Variants in TAF4 observed in about 807,000 individuals in gnomAD.
The protein encoded by TAF4 is TATA-box binding protein associated factor 4.
TAF4 carries 9 observed loss-of-function variants against 90.3 expected under a neutral mutation model. That is an observed-to-expected ratio of 0.10 (90% CI 0.06 to 0.17). TAF4 has a LOEUF of 0.17. Ranked by LOEUF, TAF4 falls within the 10% of genes least tolerant of loss-of-function variation. The pLI is 1.00. For synonymous variants in TAF4, 818 were observed against 638.9 expected (o/e 1.28, Z -4.23); for missense variants, 1,351 against 1,370.7 (o/e 0.99, Z 0.23).
At chr20:62,053,404 G>A (rs933209705) in intron 1 of TAF4, among the ~76,000 whole-genome samples, 2 of 152,220 alleles carry the variant, frequency 1.3e-5, no homozygotes, top group African/African-American at 4.8e-5. Context: ...CTCTGGATCC[G>A]TCACTAAGCA....
At position 62,064,650 on chromosome 20, in the gene TAF4, G is replaced by C; in HGVS notation, c.1161C>G (p.Ala387=). ...PTMQGALPSP[A]AVPPPAPGTP... is the part of the protein sequence containing the mutation. ...TCCCGGGGGCGGGCGGCGGGACGGC[G>C]GCCGGGCTGGGCAGCGCCCCTTGCA... The change falls in exon 1 of 15, where the codon GCC becomes GCG. Residue 387 remains alanine (A), a synonymous_variant. Transcript: ENST00000252996. The C allele has an allele frequency of 1.5e-6, 2 of 1,316,738 alleles. No individual in the cohort carries two copies. The highest frequency in any genetic ancestry group is 1.9e-6 in the Non-Finnish European group (2 of 1,040,030). 81.6% of individuals were successfully genotyped at this position (1,316,738 alleles called of 1,614,324 possible).
rs1488376004 is a variant in TAF4, at chr20:61,998,855, T to C, written c.2913+128A>G. 10 of 1,214,826 alleles carry C rather than the reference T, an allele frequency of 8.2e-6. No homozygotes were observed. In the South Asian group the frequency reaches 1.3e-4, roughly 16 times the overall value. The allele number at this position is 1,214,826 out of a possible 1,614,324, so 75.3% of individuals were successfully genotyped here. On this transcript the variant is annotated intron_variant, in intron 12 of 14. Transcript: ENST00000252996. ...TTTGCAGCTCCACTGACAGCACCCATCACCTTTGCTTCAAGGCCAGCCCAA... is the reference window on the plus strand; with the variant it reads ...TTTGCAGCTCCACTGACAGCACCCACCACCTTTGCTTCAAGGCCAGCCCAA...
rs572912824 is a variant in TAF4 at position 62,050,928 on chromosome 20, T to C, written c.1360+13523A>G. Reference sequence around the variant, plus strand: ...CCACTACCCACGCTGCCCTGGGCACTGGGGAATCAGTGGAGACCCCAGGCA... The same window carrying C: ...CCACTACCCACGCTGCCCTGGGCACCGGGGAATCAGTGGAGACCCCAGGCA... On this transcript the variant is annotated intron_variant, in intron 1 of 14. Transcript: ENST00000252996. 2.2e-3 allele frequency among the ~76,000 whole-genome samples: 341 copies of C among 152,132 alleles called. 1 individual carries two copies. Among genetic ancestry groups the C allele is most frequent in the Non-Finnish European group, 4.5e-3 (303 of 67,990 alleles).
intron 1 of TAF4, among the ~76,000 whole-genome samples, chr20:62,030,012 G>A (rs1389289183): frequency 2.6e-5 from 4 of 152,220 alleles, no homozygotes; most frequent in Non-Finnish European, 2.9e-5. Flanking sequence ...GCATGGTCAC[G>A]GTGAAGCTGC....
chr20:62,014,528 A>G lies in TAF4; in HGVS notation c.1521+19T>C. 1 of 1,587,182 alleles carries G rather than the reference A, an allele frequency of 6.3e-7. No individual in the cohort carries two copies. Among genetic ancestry groups the G allele is most frequent in the East Asian group, 2.3e-5 (1 of 44,220 alleles). On this transcript the variant is annotated intron_variant, in intron 2 of 14. Transcript: ENST00000252996. Reference sequence around the variant, plus strand: ...TGGGCAGGGAAGGGGTTCGCACTCCAGGGCACACGTGCACTCACCTGTACG... The same window carrying G: ...TGGGCAGGGAAGGGGTTCGCACTCCGGGGCACACGTGCACTCACCTGTACG...
intron 1 of TAF4, among the ~76,000 whole-genome samples, chr20:62,063,058 G>A (rs969573193): frequency 1.3e-5 from 2 of 152,176 alleles, no homozygotes; most frequent in Admixed American, 6.5e-5. Flanking sequence ...CCAAGCCTCT[G>A]GCAAAACACC....
At chr20:61,998,938 G>A in intron 12 of TAF4, 45 bp downstream of exon 12, 3 of 1,603,698 alleles carry the variant, frequency 1.9e-6, no homozygotes, top group Non-Finnish European at 2.5e-6. Flanking sequence ...GGTTGTGGCT[G>A]AGACGGAGGT....
intron 1 of TAF4, chr20:62,064,204 C>T (rs1053121179): frequency 7.4e-6 from 3 of 403,930 alleles, no homozygotes; most frequent in Non-Finnish European, 1.3e-5. Flanking sequence ...CAGCCCCAGG[C>T]ACAGGCAGCC....
Position 61,997,066 on chromosome 20 carries a change from A to G in TAF4, c.3090+484T>C, listed in dbSNP as rs28382121. On this transcript the variant is annotated intron_variant, in intron 14 of 14. Coordinates refer to ENST00000252996, the MANE Select transcript of TAF4 (RefSeq NM_003185.4). ...ACTGACAGTTGAAAGCAAAAATAAC[A>G]TGTCAAGGCTGGGTTTATAATTATT... Among the ~76,000 whole-genome samples the G allele has an allele frequency of 9.4e-3, 1,436 of 152,324 alleles. 7 individuals are homozygous for G. The highest frequency in any genetic ancestry group is 0.038 in the South Asian group (185 of 4,826).
In TAF4 at chr20:62,006,348, G is replaced by C. The variant is rs896426217; in HGVS notation, c.2223+162C>G. 4 of 996,024 alleles carry C rather than the reference G, an allele frequency of 4.0e-6. No homozygotes were observed. The highest frequency in any genetic ancestry group is 4.2e-5 in the Admixed American group (1 of 24,012). The allele number at this position is 996,024 out of a possible 1,614,324, so 61.7% of individuals were successfully genotyped here. On this transcript the variant is annotated intron_variant, in intron 7 of 14. Transcript: ENST00000252996. This position sits in a 1 kb window ranked among gnomAD's most constrained non-coding sequence, Gnocchi z 7.0. ...ACAACATCCCAGGGCCTCAACCTCT[G>C]GTTTCTATTTTAACTATTTAAGGTA...
chr20:62,064,900 T>A lies in TAF4; in HGVS notation c.911A>T (p.Gln304Leu). 1 of 763,110 alleles carries A rather than the reference T, an allele frequency of 1.3e-6. No individual in the cohort carries two copies. The highest frequency in any genetic ancestry group is 6.0e-5 in the South Asian group (1 of 16,620). The allele number at this position is 763,110 out of a possible 1,614,324, so 47.3% of individuals were successfully genotyped here. A position where few individuals can be genotyped will look rare whatever the true frequency, so the allele number is the denominator to read the frequency against. ...GGCTGCCCCGGCGCTGCCCCCGTTC[T>A]GGGCGGCGGCGGGGGGCGGCACGGC... is the stretch of plus-strand genomic sequence containing the variant. ...APAVPPPAAAQNGGSAGAAPA... is the reference protein window; with the variant it reads ...APAVPPPAAALNGGSAGAAPA... The change falls in exon 1 of 15, where the codon CAG (glutamine) becomes CTG (leucine). Residue 304 changes from glutamine to leucine, a missense_variant. This residue lies in a region of TAF4 where 782 missense variants were observed against 536.6 expected (regional missense o/e 1.46). Transcript: ENST00000252996.
Position 62,009,196 on chromosome 20 carries a change from T to C in TAF4, c.1762-22A>G, listed in dbSNP as rs370813918. The C allele has an allele frequency of 6.9e-6, 11 of 1,589,050 alleles. No homozygotes were observed. The Admixed American group carries it at 9.1e-5, about 13-fold the overall frequency. The stretch of plus-strand genomic sequence containing the variant: ...TTTCCTGGATTAAAGTAAAAAGATA[T>C]AAGTGAAAAATCTTAAAAGGCAGAT... On this transcript the variant is annotated intron_variant, in intron 4 of 14. Transcript: ENST00000252996.
chr20:62,059,935 A>T (rs2056080275), intron 1 of TAF4, among the ~76,000 whole-genome samples: 1 of 152,238 alleles, frequency 6.6e-6, no homozygotes, highest in South Asian at 2.1e-4. Flanking sequence ...TTTATCCCTT[A>T]AGTGGAAGAA....
intron 1 of TAF4, among the ~76,000 whole-genome samples, chr20:62,030,090 G>A (rs900028481): frequency 6.6e-6 from 1 of 152,162 alleles, no homozygotes; most frequent in African/African-American, 2.4e-5. Context: ...GAGGCCAGGC[G>A]AGCAGCGCAG....
At chr20:62,011,554 A>C (rs2055777688) in intron 3 of TAF4, among the ~76,000 whole-genome samples, 1 of 152,226 alleles carries the variant, frequency 6.6e-6, no homozygotes, top group Non-Finnish European at 1.5e-5. Flanking sequence ...GCCTGCACCA[A>C]AGGCCAGCAC....
intron 4 of TAF4, 42 bp from the exon 5 acceptor site, chr20:62,009,216 G>T (rs2055764449): frequency 6.4e-7 from 1 of 1,566,424 alleles, no homozygotes; most frequent in Non-Finnish European, 8.7e-7. Context: ...ATCTTAAAAG[G>T]CAGATTTTTG....
chr20:61,993,467 G>C (rs1324289143), intron 14 of TAF4, among the ~76,000 whole-genome samples: 1 of 152,158 alleles, frequency 6.6e-6, no homozygotes, highest in African/African-American at 2.4e-5. Context: ...CCGACAAGTT[G>C]TAAGAAAAAG....
intron 14 of TAF4, among the ~76,000 whole-genome samples, chr20:61,982,202 C>T (rs368543966): frequency 0.14 from 133 of 946 alleles, no homozygotes; most frequent in East Asian, 0.25. Flanking sequence ...ACACCCCACC[C>T]GAGAGGAGAC....
At chr20:62,005,272 G>A (rs1471716089) in intron 7 of TAF4, 8 of 152,276 alleles carry the variant, frequency 5.3e-5, no homozygotes, top group Admixed American at 5.2e-4. Flanking sequence ...CAGGCTTCAG[G>A]GTGCAGGCAA....
Sources: gnomAD v4.1 joint callset for allele counts (sites outside exome capture counted in the v4.1 genomes callset) on GRCh38, gnomAD v4.1.1 for gene constraint, gnomAD v4.1.1 regional missense constraint, Gnocchi (gnomAD v3.1) non-coding constraint, MANE v1.5 for transcripts, NCBI Gene and HGNC (gene_info 2026-07-23, HGNC 2026-07-21) for gene names.